The following MFN1 variants were observed in gnomAD, a reference collection of about 807,000 sequenced individuals.
MFN1 encodes mitofusin 1.
A neutral mutation model predicts 92.4 loss-of-function variants in MFN1; 65 were observed. The ratio of observed to expected loss-of-function variants is 0.70; its 90% CI spans 0.58 to 0.86. The LOEUF (loss-of-function observed/expected upper bound fraction) is 0.86, where lower values mean the gene tolerates loss of function less well. Ranked by LOEUF, MFN1 falls within the 40% of genes least tolerant of loss-of-function variation. The probability of loss-of-function intolerance (pLI) is 0.00; values close to 1 mark genes in which losing one functional copy is unlikely to be tolerated. For missense variants in MFN1, 781 were observed against 868.0 expected (o/e 0.90, Z 1.26); for synonymous variants, 297 against 300.9 (o/e 0.99, Z 0.13).
At chr3:179,385,748 T>G in intron 15 of MFN1, 27 bp downstream of exon 15, 1 of 1,606,456 alleles carries the variant, frequency 6.2e-7, no homozygotes, top group Non-Finnish European at 8.5e-7. Context: ...TTAGTATAAT[T>G]AAAATCGAAA....
intron 15 of MFN1, 146 bp downstream of exon 15, chr3:179,385,867 T>C (rs1713667984): frequency 1.3e-6 from 1 of 744,202 alleles, no homozygotes; most frequent in African/African-American, 1.8e-5. Context: ...AAGTAGTGAA[T>C]TAAATATCAC....
intron 16 of MFN1, 131 bp downstream of exon 16, chr3:179,386,760 A>G (rs1194673878): frequency 1.2e-6 from 1 of 806,558 alleles, no homozygotes; most frequent in Non-Finnish European, 2.0e-6. Context: ...ATGGCCATAA[A>G]TGAGAAAAAA....
Position 179,368,119 on chromosome 3 carries a change from T to A in MFN1, c.975+16T>A. On this transcript the variant is annotated intron_variant, in intron 9 of 17. Transcript: ENST00000471841. ...AATCTTTGAGGTAGGAATTTTGTGA[T>A]TGTATTGCCTAATACAAAACTCTTT... 6.5e-7 allele frequency: 1 copy of A among 1,542,662 alleles called. No individual in the cohort carries two copies. The highest frequency in any genetic ancestry group is 8.8e-7 in the Non-Finnish European group (1 of 1,139,286).
chr3:179,366,891 G>C (rs1560194025), intron 7 of MFN1, among the ~76,000 whole-genome samples: 1 of 152,104 alleles, frequency 6.6e-6, no homozygotes, highest in African/African-American at 2.4e-5. Context: ...CAATTCTAAT[G>C]CCTGGTTAAT....
intron 15 of MFN1, 83 bp from the exon 16 acceptor site, chr3:179,386,350 C>A: frequency 9.4e-7 from 1 of 1,067,580 alleles, no homozygotes; most frequent in South Asian, 1.4e-5. Context: ...CTCAAAGATC[C>A]ATAGGGAACT....
At chr3:179,383,699 C>T (rs1443699870) in intron 14 of MFN1, among the ~76,000 whole-genome samples, 1 of 152,088 alleles carries the variant, frequency 6.6e-6, no homozygotes, top group Non-Finnish European at 1.5e-5. Flanking sequence ...TCCTCCTATC[C>T]ATGAGCATGG....
At chr3:179,376,859 A>G (rs1164935882) in intron 10 of MFN1, 183 bp from the exon 11 acceptor site, 1 of 471,854 alleles carries the variant, frequency 2.1e-6, no homozygotes, top group Non-Finnish European at 3.6e-6. Context: ...CGTGGTTTCT[A>G]TCAAATCATC....
chr3:179,354,759 G>A (rs1712283346), intron 3 of MFN1, among the ~76,000 whole-genome samples: 1 of 152,110 alleles, frequency 6.6e-6, no homozygotes, highest in Admixed American at 6.5e-5. Context: ...TAACGGGTAG[G>A]CAATTCCCAG....
chr3:179,373,743 A>G (rs192954179), intron 9 of MFN1, among the ~76,000 whole-genome samples: 115 of 151,888 alleles, frequency 7.6e-4, no homozygotes, highest in Admixed American at 2.9e-3. Flanking sequence ...GCGCTATCTC[A>G]GCTCACTGCA....
chr3:179,368,332 G>A (rs1319459048), intron 9 of MFN1, among the ~76,000 whole-genome samples: 3 of 152,070 alleles, frequency 2.0e-5, no homozygotes, highest in Non-Finnish European at 2.9e-5. Flanking sequence ...TTATTTTTAT[G>A]TATTTTATAT....
chr3:179,391,462 A>G (rs1294123973), intron 17 of MFN1, among the ~76,000 whole-genome samples: 7 of 152,196 alleles, frequency 4.6e-5, no homozygotes, highest in Non-Finnish European at 1.0e-4. Context: ...AGCTACCTCA[A>G]GAAATATATA....
chr3:179,359,390 G>T (rs1311137050), intron 4 of MFN1, among the ~76,000 whole-genome samples: 1 of 148,924 alleles, frequency 6.7e-6, no homozygotes, highest in Non-Finnish European at 1.5e-5. Flanking sequence ...AAAGTGCTGG[G>T]ATTATAGGCG....
At position 179,375,236 on chromosome 3, in the gene MFN1, C is replaced by A; in HGVS notation, c.992C>A (p.Ser331Ter). The change falls in exon 10 of 18, where the codon TCA (serine) becomes TAA (stop). Residue 331 changes from serine to a stop codon, truncating the protein, a stop_gained. Transcript: ENST00000471841. LOFTEE classifies it high-confidence loss of function. ...EQIFEECISQ[S>*]AVKTKFEQHT... Reference sequence around the variant, plus strand: ...CCCTCGCAGGAGTGTATCTCGCAGTCAGCAGTGAAAACAAAGTTCGAACAG... The same window carrying A: ...CCCTCGCAGGAGTGTATCTCGCAGTAAGCAGTGAAAACAAAGTTCGAACAG... 6.2e-7 allele frequency: 1 copy of A among 1,613,294 alleles called. No homozygotes were observed. The highest frequency in any genetic ancestry group is 1.1e-5 in the South Asian group (1 of 90,972).
chr3:179,383,831 TAAAAG>T (rs1713567773), intron 14 of MFN1, among the ~76,000 whole-genome samples: 3 of 152,198 alleles, frequency 2.0e-5, no homozygotes, highest in Non-Finnish European at 2.9e-5. Flanking sequence ...CTCATCGAAA[TAAAAG>T]AGAATACAAG....
chr3:179,347,945 G>A (rs1469133197), intron 1 of MFN1, 135 bp downstream of exon 1: 1 of 152,296 alleles, frequency 6.6e-6, no homozygotes, highest in African/African-American at 2.4e-5. Context: ...TGGGAAAGGA[G>A]AGAGCCAGCT....
intron 12 of MFN1, 30 bp from the exon 13 acceptor site, chr3:179,378,311 A>AT: frequency 6.8e-7 from 1 of 1,468,746 alleles, no homozygotes; most frequent in South Asian, 1.2e-5. Flanking sequence ...CTGGAGAAAA[A>AT]ATAATATGGA....
chr3:179,354,571 G>T (rs573534106), intron 3 of MFN1, among the ~76,000 whole-genome samples: 1 of 152,188 alleles, frequency 6.6e-6, no homozygotes, highest in South Asian at 2.1e-4. Context: ...TGGACCTTGC[G>T]CAAGAAGGAA....
At chr3:179,348,145 CG>C in intron 1 of MFN1, 1 of 152,384 alleles carries the variant, frequency 6.6e-6, no homozygotes, top group Non-Finnish European at 1.5e-5. Flanking sequence ...CCGGCCGGAC[CG>C]GGGCGTTACC....
intron 16 of MFN1, among the ~76,000 whole-genome samples, chr3:179,389,709 C>A (rs1046064616): frequency 6.6e-6 from 1 of 152,088 alleles, no homozygotes; most frequent in African/African-American, 2.4e-5. Flanking sequence ...TTACTTTGCG[C>A]AGGGCCCCAA....
Sources: gnomAD v4.1 joint callset for allele counts (sites outside exome capture counted in the v4.1 genomes callset) on GRCh38, gnomAD v4.1.1 for gene constraint, MANE v1.5 for transcripts, NCBI Gene and HGNC (gene_info 2026-07-23, HGNC 2026-07-21) for gene names.